The following CDH18 variants were observed in gnomAD, a reference collection of about 807,000 sequenced individuals.
CDH18 encodes cadherin-18.
CDH18 carries 31 observed loss-of-function variants against 67.9 expected under a neutral mutation model. The ratio of observed to expected loss-of-function variants is 0.46; its 90% CI spans 0.34 to 0.62. The LOEUF is 0.62. Among genes scored for constraint, CDH18 ranks in the 20% least tolerant of loss-of-function variants. The pLI is 0.01. For missense variants in CDH18, 890 were observed against 975.5 expected, an observed-to-expected ratio of 0.91 and a Z score of 1.17; for synonymous variants, 362 against 347.2, an observed-to-expected ratio of 1.04 and a Z score of -0.48.
chr5:19,735,193 T>C (rs150170684), intron 4 of CDH18, among the ~76,000 whole-genome samples: 151 of 152,244 alleles, frequency 9.9e-4, no homozygotes, highest in African/African-American at 3.5e-3. Context: ...GAAATGTCAC[T>C]TGGTTCTTTA....
At chr5:19,882,729 A>G (rs1003959058) in intron 2 of CDH18, among the ~76,000 whole-genome samples, 1 of 152,172 alleles carries the variant, frequency 6.6e-6, no homozygotes, top group East Asian at 1.9e-4. Context: ...AAAATTTTTC[A>G]TTAATATGTA....
At chr5:20,058,816 GTA>G (rs912990151) in intron 2 of CDH18, among the ~76,000 whole-genome samples, 3 of 152,122 alleles carry the variant, frequency 2.0e-5, no homozygotes, top group Non-Finnish European at 4.4e-5. Context: ...CCAGTTTACA[GTA>G]TCATCAACTA....
intron 2 of CDH18, among the ~76,000 whole-genome samples, chr5:20,176,191 GC>G (rs542812138): frequency 1.3e-5 from 2 of 152,260 alleles, no homozygotes; most frequent in African/African-American, 4.8e-5. Flanking sequence ...ATCAAGTCAA[GC>G]CTCTCTGGGA....
At position 20,095,589 on chromosome 5, in the gene CDH18, G is replaced by A. The variant is rs28563133; in HGVS notation, c.-517-103575C>T. Among the ~76,000 whole-genome samples the A allele has an allele frequency of 1.2e-3, 171 of 141,804 alleles. 2 individuals are homozygous for A. The highest frequency in any genetic ancestry group is 3.6e-3 in the Middle Eastern group (1 of 278). The allele number at this position is 141,804 out of a possible 152,430, so 93.0% of individuals were successfully genotyped here. A position where few individuals can be genotyped will look rare whatever the true frequency, so the allele number is the denominator to read the frequency against. ...GAAAGAAAGGAAGAAAGGAAGAAAGGAAGAAAGAAGAAAGAAAGAAAAGAA... is the reference window on the plus strand; with the variant it reads ...GAAAGAAAGGAAGAAAGGAAGAAAGAAAGAAAGAAGAAAGAAAGAAAAGAA... On this transcript the variant is annotated intron_variant, in intron 2 of 14. Transcript: ENST00000507958.
chr5:20,021,736 G>C (rs138300481), intron 2 of CDH18, among the ~76,000 whole-genome samples: 2 of 152,270 alleles, frequency 1.3e-5, no homozygotes, highest in African/African-American at 4.8e-5. Context: ...GAAACTGTGA[G>C]TCAATTAAAA....
At chr5:20,547,432 G>C (rs1000924219) in intron 1 of CDH18, among the ~76,000 whole-genome samples, 4 of 151,750 alleles carry the variant, frequency 2.6e-5, no homozygotes, top group Non-Finnish European at 5.9e-5. Flanking sequence ...ATGGTGGCAG[G>C]TCCCTGTACT....
At chr5:19,859,457 A>AC (rs1322906708) in intron 2 of CDH18, among the ~76,000 whole-genome samples, 26 of 152,042 alleles carry the variant, frequency 1.7e-4, no homozygotes, top group African/African-American at 5.8e-4. Flanking sequence ...TCTTGTGGGG[A>AC]AAATTCACAT....
chr5:19,653,151 C>CT (rs1018104904), intron 5 of CDH18, among the ~76,000 whole-genome samples: 1 of 151,134 alleles, frequency 6.6e-6, no homozygotes, highest in Non-Finnish European at 1.5e-5. Flanking sequence ...TTTGCCTTTA[C>CT]TTTTAAATGG....
chr5:19,748,286 A>T (rs1770393365), intron 3 of CDH18, among the ~76,000 whole-genome samples: 1 of 151,926 alleles, frequency 6.6e-6, no homozygotes, highest in African/African-American at 2.4e-5. Context: ...TAAAATTAAA[A>T]TTATCAAATA....
At chr5:19,911,023 G>C (rs1368651599) in intron 2 of CDH18, among the ~76,000 whole-genome samples, 1 of 152,082 alleles carries the variant, frequency 6.6e-6, no homozygotes, top group African/African-American at 2.4e-5. Flanking sequence ...TTTTCAGGTA[G>C]AGAGAGATTA....
intron 5 of CDH18, among the ~76,000 whole-genome samples, chr5:19,618,127 G>A (rs1165072192): frequency 6.6e-6 from 1 of 151,998 alleles, no homozygotes; most frequent in African/African-American, 2.4e-5. Flanking sequence ...AACCTCCAAG[G>A]TAGACACACA....
At chr5:20,299,757 C>CAA (rs368044422) in intron 1 of CDH18, among the ~76,000 whole-genome samples, 47,090 of 107,150 alleles carry the variant, frequency 0.44, 12,226 homozygotes, top group Middle Eastern at 0.59. Flanking sequence ...GGCTCTGTCT[C>CAA]AAAAAAAAAA....
rs150655658 is a variant in CDH18, at chr5:20,395,395, T to C, written c.-579-139890A>G. 2.8e-3 allele frequency among the ~76,000 whole-genome samples: 429 copies of C among 152,234 alleles called. 4 individuals are homozygous for C. Among genetic ancestry groups the C allele is most frequent in the African/African-American group, 9.8e-3 (406 of 41,544 alleles). On this transcript the variant is annotated intron_variant, in intron 1 of 14. Transcript: ENST00000507958. The stretch of plus-strand genomic sequence containing the variant: ...TATTAAGTGGGAACTAACCTATGGG[T>C]ACTCAAAGGCCTGCAGAGTGGTGTA...
chr5:19,931,664 GA>G (rs1007650671), intron 2 of CDH18, among the ~76,000 whole-genome samples: 2 of 151,392 alleles, frequency 1.3e-5, no homozygotes, highest in South Asian at 2.1e-4. Flanking sequence ...CATGAGAAGT[GA>G]AAAAAAACTT....
intron 5 of CDH18, among the ~76,000 whole-genome samples, chr5:19,647,561 A>C (rs1349722009): frequency 7.4e-6 from 1 of 135,246 alleles, no homozygotes; most frequent in Non-Finnish European, 1.6e-5. Flanking sequence ...AAAAAAAAAG[A>C]TGCCTATTGT....
At chr5:19,860,099 A>C (rs1450806488) in intron 2 of CDH18, among the ~76,000 whole-genome samples, 1 of 151,592 alleles carries the variant, frequency 6.6e-6, no homozygotes, top group African/African-American at 2.4e-5. Flanking sequence ...ACTTTATAGC[A>C]ATCTGTTTAT....
intron 2 of CDH18, among the ~76,000 whole-genome samples, chr5:20,205,546 A>G (rs569290213): frequency 6.6e-6 from 1 of 151,890 alleles, no homozygotes; most frequent in Non-Finnish European, 1.5e-5. Context: ...GTTTCATGCA[A>G]CTTCTGCAGA....
intron 1 of CDH18, among the ~76,000 whole-genome samples, chr5:20,413,945 G>T (rs1271877095): frequency 6.6e-6 from 1 of 151,978 alleles, no homozygotes; most frequent in Non-Finnish European, 1.5e-5. Flanking sequence ...TATGGTTTTA[G>T]GTCTAACATT....
At chr5:20,152,990 T>G (rs1008732461) in intron 2 of CDH18, among the ~76,000 whole-genome samples, 1 of 148,446 alleles carries the variant, frequency 6.7e-6, no homozygotes, top group Admixed American at 6.9e-5. Flanking sequence ...TTGCCCAGGC[T>G]GGAGTGCAGT....
Sources: allele counts gnomAD v4.1 joint callset (sites outside exome capture counted in the v4.1 genomes callset), GRCh38; gene constraint gnomAD v4.1.1; transcripts MANE v1.5; gene names NCBI Gene and HGNC (gene_info 2026-07-23, HGNC 2026-07-21).